GEMIN5: variants seen among roughly 807,000 people sequenced by gnomAD.
GEMIN5 encodes the protein gem nuclear organelle associated protein 5.
A neutral mutation model predicts 176.9 loss-of-function variants in GEMIN5; 124 were observed. The observed-to-expected ratio is 0.70, with a 90% CI of 0.61 to 0.81. GEMIN5 has a LOEUF of 0.81. Among genes scored for constraint, GEMIN5 ranks in the 40% least tolerant of loss-of-function variants. GEMIN5 has a pLI of 0.00. For synonymous variants in GEMIN5, 673 were observed against 665.2 expected (o/e 1.01, Z -0.18); for missense variants, 1,843 against 1,814.6 (o/e 1.02, Z -0.28).
Position 154,925,784 on chromosome 5 carries a change from C to T in GEMIN5, c.1293+78G>A, listed in dbSNP as rs571055721. ...AAAACTTTTGATTCTCAACAGAGCG[C>T]ATTTAAATGAACAGGCATAAAAGAG... On this transcript the variant is annotated intron_variant, in intron 8 of 27. Coordinates refer to ENST00000285873, the MANE Select transcript of GEMIN5 (RefSeq NM_015465.5). The T allele has an allele frequency of 7.2e-5, 55 of 769,168 alleles. No homozygotes were observed. The South Asian group carries it at 8.1e-4, about 11-fold the overall frequency. 47.6% of individuals were successfully genotyped at this position (769,168 alleles called of 1,614,324 possible). A position where few individuals can be genotyped will look rare whatever the true frequency, so the allele number is the denominator to read the frequency against.
intron 20 of GEMIN5, 92 bp from the exon 21 acceptor site, chr5:154,901,578 G>A (rs1486911123): frequency 2.2e-5 from 24 of 1,094,506 alleles, no homozygotes; most frequent in South Asian, 4.1e-5. Flanking sequence ...CCTTGTTTTC[G>A]TCAATGCATT....
At chr5:154,936,321 G>C (rs1764268628) in intron 2 of GEMIN5, among the ~76,000 whole-genome samples, 1 of 151,456 alleles carries the variant, frequency 6.6e-6, no homozygotes, top group South Asian at 2.1e-4. Context: ...AGAGGCTGAG[G>C]CAGGAGAATG....
chr5:154,928,275 C>T (rs1285130776), intron 6 of GEMIN5, among the ~76,000 whole-genome samples: 1 of 152,162 alleles, frequency 6.6e-6, no homozygotes, highest in African/African-American at 2.4e-5. Flanking sequence ...GAATACAAGG[C>T]AGTAAGTGAC....
chr5:154,937,267 T>A, intron 1 of GEMIN5, 82 bp from the exon 2 acceptor site: 1 of 1,150,254 alleles, frequency 8.7e-7, no homozygotes, highest in Non-Finnish European at 1.2e-6. Flanking sequence ...GGATGACAAG[T>A]GAGCAGATGC....
At chr5:154,895,361 G>A (rs1038982569) in intron 24 of GEMIN5, among the ~76,000 whole-genome samples, 1 of 150,966 alleles carries the variant, frequency 6.6e-6, no homozygotes, top group African/African-American at 2.4e-5. Flanking sequence ...AAAGAAGTAG[G>A]TATATTCACA....
At chr5:154,901,263 T>A (rs1278752788) in intron 21 of GEMIN5, 76 bp downstream of exon 21, 9 of 1,354,724 alleles carry the variant, frequency 6.6e-6, no homozygotes, top group Non-Finnish European at 7.3e-6. Context: ...CTATTTATGT[T>A]ACTTTAACAA....
intron 5 of GEMIN5, among the ~76,000 whole-genome samples, chr5:154,929,803 A>G (rs1302318313): frequency 3.9e-5 from 6 of 152,248 alleles, no homozygotes; most frequent in Non-Finnish European, 8.8e-5. Flanking sequence ...TGAAGCCTGG[A>G]TGACATTCCA....
intron 15 of GEMIN5, among the ~76,000 whole-genome samples, chr5:154,909,927 C>T (rs1019751363): frequency 6.6e-6 from 1 of 151,098 alleles, no homozygotes; most frequent in East Asian, 1.9e-4. Context: ...TGTAGTGAGC[C>T]GAGAGTGCAC....
chr5:154,893,229 G>C (rs529147414), intron 24 of GEMIN5, among the ~76,000 whole-genome samples: 19 of 133,454 alleles, frequency 1.4e-4, no homozygotes, highest in Middle Eastern at 6.0e-3. Flanking sequence ...GAGGCGGGCG[G>C]ATCACCCGAG....
chr5:154,916,664 A>ATT (rs1763816389), intron 13 of GEMIN5, among the ~76,000 whole-genome samples: 1 of 151,692 alleles, frequency 6.6e-6, no homozygotes, highest in African/African-American at 2.4e-5. Flanking sequence ...TTTGTTTTTT[A>ATT]TTTTCAATTT....
At chr5:154,933,059 T>C (rs904201334) in intron 3 of GEMIN5, among the ~76,000 whole-genome samples, 2 of 152,212 alleles carry the variant, frequency 1.3e-5, no homozygotes, top group African/African-American at 4.8e-5. Flanking sequence ...TAAAAATGAA[T>C]GACTTCAGAT....
At position 154,927,562 on chromosome 5, in the gene GEMIN5, A is replaced by G; in HGVS notation, c.915-12T>C. The G allele has an allele frequency of 1.3e-6, 2 of 1,571,844 alleles. No individual in the cohort carries two copies. Among genetic ancestry groups the G allele is most frequent in the South Asian group, 1.1e-5 (1 of 87,992 alleles). On this transcript the variant is annotated splice_polypyrimidine_tract_variant and intron_variant, in intron 6 of 27. Coordinates refer to ENST00000285873, the MANE Select transcript of GEMIN5 (RefSeq NM_015465.5). Reference sequence around the variant, plus strand: ...GCAACAGTTCACCTCTGTGAAGGAAAAACATAAGCATTAGTTCTTTTACAA... The same window carrying G: ...GCAACAGTTCACCTCTGTGAAGGAAGAACATAAGCATTAGTTCTTTTACAA...
At chr5:154,890,749 C>T (rs1200571411) in intron 26 of GEMIN5, among the ~76,000 whole-genome samples, 1 of 151,934 alleles carries the variant, frequency 6.6e-6, no homozygotes, top group South Asian at 2.1e-4. Context: ...AGGGTACATG[C>T]CACCACACCT....
chr5:154,911,817 AAGG>A lies in GEMIN5; in HGVS notation c.2074_2076del (p.Pro692del). ...CCTGAATAGATGCAGTCTGGATCCAAAGGAGACCATGCCACACAAAGCAGTCGA... is the reference window on the plus strand; with the variant it reads ...CCTGAATAGATGCAGTCTGGATCCAAAGACCATGCCACACAAAGCAGTCGA... On this transcript the variant is annotated inframe_deletion, in exon 15 of 28. Coordinates refer to ENST00000285873, the MANE Select transcript of GEMIN5 (RefSeq NM_015465.5). The A allele has an allele frequency of 6.2e-7, 1 of 1,613,994 alleles. No individual in the cohort carries two copies. Among genetic ancestry groups the A allele is most frequent in the Non-Finnish European group, 8.5e-7 (1 of 1,179,860 alleles).
intron 13 of GEMIN5, among the ~76,000 whole-genome samples, chr5:154,914,509 CTTT>C (rs66537820): frequency 2.2e-4 from 30 of 136,198 alleles, no homozygotes; most frequent in African/African-American, 1.9e-4. Context: ...CACTATTTTA[CTTT>C]TTTTTTTTTT....
At position 154,931,539 on chromosome 5, in the gene GEMIN5, C is replaced by A. The variant is rs1764163312; in HGVS notation, c.700G>T (p.Ala234Ser). 6.2e-7 allele frequency: 1 copy of A among 1,612,300 alleles called. No homozygotes were observed. The highest frequency in any genetic ancestry group is 8.5e-7 in the Non-Finnish European group (1 of 1,178,568). ...AAGTAGCAACCTTTTGTTACTGGAG[C>A]TTGTGCTACAGCATTCCCGTTGGTA... The part of the protein sequence containing the change: ...EITNGNAVAQ[A>S]PVTKGCYLAT... The change falls in exon 5 of 28, where the codon GCT becomes TCT. Residue 234 changes from alanine (A) to serine (S), a missense_variant. Ala to Ser is a moderately conservative substitution (Grantham distance 99). Coordinates refer to ENST00000285873, the MANE Select transcript of GEMIN5 (RefSeq NM_015465.5).
At position 154,903,220 on chromosome 5, in the gene GEMIN5, T is replaced by C. The variant is rs1241201130; in HGVS notation, c.2633-45A>G. 4.1e-6 allele frequency: 5 copies of C among 1,233,762 alleles called. No homozygotes were observed. The Admixed American group carries it at 5.1e-5, about 13-fold the overall frequency. The allele number at this position is 1,233,762 out of a possible 1,614,324, so 76.4% of individuals were successfully genotyped here. ...AAAAAATCAGATGAAGTCATTACAT[T>C]GATTACAGTTTTCTCTCCAATAACT... On this transcript the variant is annotated intron_variant, in intron 18 of 27. Transcript: ENST00000285873.
chr5:154,902,418 T>G, intron 20 of GEMIN5, 121 bp downstream of exon 20: 1 of 900,764 alleles, frequency 1.1e-6, no homozygotes, highest in Non-Finnish European at 1.7e-6. Context: ...TGCTGTCTAT[T>G]GCTTTGTATC....
intron 13 of GEMIN5, among the ~76,000 whole-genome samples, chr5:154,914,364 A>G (rs1763771235): frequency 6.6e-6 from 1 of 152,126 alleles, no homozygotes; most frequent in African/African-American, 2.4e-5. Flanking sequence ...TTATAGATGA[A>G]AGGAGACTAA....
Sources: allele counts gnomAD v4.1 joint callset (sites outside exome capture counted in the v4.1 genomes callset), GRCh38; gene constraint gnomAD v4.1.1; transcripts MANE v1.5; gene names NCBI Gene and HGNC (gene_info 2026-07-23, HGNC 2026-07-21).